Variants in MAGI2 observed in about 807,000 individuals in gnomAD.
MAGI2 encodes the protein membrane-associated guanylate kinase, WW and PDZ domain-containing protein 2.
In MAGI2, 35 loss-of-function variants were observed where a neutral mutation model predicts 133.3. That is an observed-to-expected ratio of 0.26 (90% CI 0.20 to 0.35). The LOEUF is 0.35. Ranked by LOEUF, MAGI2 falls within the 10% of genes least tolerant of loss-of-function variation. MAGI2 has a pLI of 1.00. For synonymous variants in MAGI2, 729 were observed against 710.6 expected (o/e 1.03, Z -0.41); for missense variants, 1,636 against 1,863.4 (o/e 0.88, Z 2.25).
At chr7:78,141,155 T>A (rs1451920007) in intron 16 of MAGI2, among the ~76,000 whole-genome samples, 1 of 151,964 alleles carries the variant, frequency 6.6e-6, no homozygotes, top group Non-Finnish European at 1.5e-5. Context: ...TGGGCTGGGG[T>A]CCCTCCTGCC....
chr7:78,472,648 AT>A (rs1462978495), intron 6 of MAGI2, among the ~76,000 whole-genome samples: 1 of 152,176 alleles, frequency 6.6e-6, no homozygotes, highest in African/African-American at 2.4e-5. Flanking sequence ...GGTAACTGCA[AT>A]ATCATTCCTC....
chr7:79,344,141 A>G (rs183588487), intron 1 of MAGI2, among the ~76,000 whole-genome samples: 15 of 152,218 alleles, frequency 9.9e-5, no homozygotes, highest in African/African-American at 3.6e-4. Context: ...TCTGTGAACT[A>G]GAGATGTAAC....
chr7:79,379,651 A>C (rs1843645190), intron 1 of MAGI2, among the ~76,000 whole-genome samples: 1 of 151,928 alleles, frequency 6.6e-6, no homozygotes, highest in Non-Finnish European at 1.5e-5. Flanking sequence ...AATGATTGCC[A>C]TTCTAACTGG....
intron 1 of MAGI2, among the ~76,000 whole-genome samples, chr7:79,135,189 A>G (rs543558675): frequency 6.6e-6 from 1 of 151,228 alleles, no homozygotes. Context: ...GGTCAGCACA[A>G]TTTTAGGTAA....
chr7:78,719,944 AT>A (rs979748016), intron 2 of MAGI2, among the ~76,000 whole-genome samples: 1 of 152,160 alleles, frequency 6.6e-6, no homozygotes, highest in African/African-American at 2.4e-5. Context: ...ATCATCTATA[AT>A]TTTAGTTATT....
At chr7:78,709,117 A>G (rs772078179) in intron 2 of MAGI2, among the ~76,000 whole-genome samples, 1 of 152,034 alleles carries the variant, frequency 6.6e-6, no homozygotes, top group Non-Finnish European at 1.5e-5. Context: ...CATAAATCTG[A>G]TTATATTACT....
intron 5 of MAGI2, among the ~76,000 whole-genome samples, chr7:78,493,323 G>C (rs1182481687): frequency 6.6e-6 from 1 of 152,142 alleles, no homozygotes; most frequent in African/African-American, 2.4e-5. Context: ...TTCTCACATA[G>C]AACATGCTTC....
intron 2 of MAGI2, among the ~76,000 whole-genome samples, chr7:78,911,463 C>A (rs1020226759): frequency 6.6e-6 from 1 of 152,060 alleles, no homozygotes; most frequent in African/African-American, 2.4e-5. Context: ...TTGTTCGCCC[C>A]TTCCACCATG....
At chr7:78,894,728 A>G (rs1799020) in intron 2 of MAGI2, among the ~76,000 whole-genome samples, 60,178 of 152,022 alleles carry the variant, frequency 0.4, 12,977 homozygotes, top group South Asian at 0.58. Context: ...AACAAATCCA[A>G]TAATATATTT....
intron 18 of MAGI2, among the ~76,000 whole-genome samples, chr7:78,132,407 T>A (rs1821653637): frequency 6.6e-6 from 1 of 152,230 alleles, no homozygotes. Context: ...CTTCAATGAC[T>A]TCCCGCTGCA....
intron 2 of MAGI2, among the ~76,000 whole-genome samples, chr7:78,889,003 A>G (rs1796503365): frequency 6.6e-6 from 1 of 152,214 alleles, no homozygotes; most frequent in South Asian, 2.1e-4. Flanking sequence ...TGAATGTCTA[A>G]CTAGAATAAT....
intron 3 of MAGI2, among the ~76,000 whole-genome samples, chr7:78,578,686 G>A (rs1392193061): frequency 1.3e-5 from 2 of 152,114 alleles, no homozygotes; most frequent in Non-Finnish European, 2.9e-5. Context: ...TAAATTGAAT[G>A]CACTGTCACA....
chr7:78,747,290 A>C (rs1303299382), intron 2 of MAGI2, among the ~76,000 whole-genome samples: 1 of 152,214 alleles, frequency 6.6e-6, no homozygotes, highest in African/African-American at 2.4e-5. Context: ...TGAACCTAAA[A>C]ATAGTATAAT....
At chr7:78,623,988 G>C (rs999574107) in intron 3 of MAGI2, among the ~76,000 whole-genome samples, 2 of 152,022 alleles carry the variant, frequency 1.3e-5, no homozygotes, top group Admixed American at 6.6e-5. Context: ...AACCTCACTA[G>C]CATCTGTTGT....
At chr7:78,773,534 A>G (rs189981604) in intron 2 of MAGI2, among the ~76,000 whole-genome samples, 16 of 152,352 alleles carry the variant, frequency 1.1e-4, no homozygotes, top group Non-Finnish European at 2.9e-5. Context: ...TGAGGGGTAC[A>G]AGAAAAAGAA....
chr7:78,692,002 G>A (rs113142844), intron 2 of MAGI2, among the ~76,000 whole-genome samples: 2 of 152,078 alleles, frequency 1.3e-5, no homozygotes, highest in South Asian at 2.1e-4. Context: ...ATGCGTCGGG[G>A]CAGGGGAAAG....
chr7:78,670,740 C>A (rs540525158), intron 2 of MAGI2, among the ~76,000 whole-genome samples: 90 of 152,166 alleles, frequency 5.9e-4, no homozygotes, highest in African/African-American at 2.1e-3. Context: ...ATCAATGGAA[C>A]AGAACAGAGC....
intron 1 of MAGI2, among the ~76,000 whole-genome samples, chr7:79,068,668 T>A (rs563964997): frequency 1.1e-4 from 17 of 152,322 alleles, no homozygotes; most frequent in African/African-American, 3.1e-4. Context: ...CCAGTTCTTT[T>A]AATTGTGATG....
At chr7:79,105,696 T>C (rs570343014) in intron 1 of MAGI2, among the ~76,000 whole-genome samples, 41 of 152,302 alleles carry the variant, frequency 2.7e-4, no homozygotes, top group African/African-American at 9.6e-4. Context: ...GCAAAATTCA[T>C]ATATAATGCA....
Sources: allele counts gnomAD v4.1 joint callset (sites outside exome capture counted in the v4.1 genomes callset), GRCh38; gene constraint gnomAD v4.1.1; transcripts MANE v1.5; gene names NCBI Gene and HGNC (gene_info 2026-07-23, HGNC 2026-07-21).